Variants in RPS6KA5 observed in about 807,000 individuals in gnomAD.
RPS6KA5 encodes ribosomal protein S6 kinase A5.
RPS6KA5 carries 27 observed loss-of-function variants against 85.5 expected under a neutral mutation model. The observed-to-expected ratio is 0.32, with a 90% confidence interval of 0.23 to 0.44. The LOEUF is 0.44. Ranked by LOEUF, RPS6KA5 falls within the 20% of genes least tolerant of loss-of-function variation. The probability of loss-of-function intolerance (pLI) is 1.00; values close to 1 mark genes in which losing one functional copy is unlikely to be tolerated. For synonymous variants in RPS6KA5, 334 were observed against 348.2 expected (o/e 0.96, Z 0.46); for missense variants, 811 against 980.9 (o/e 0.83, Z 2.31).
At chr14:90,901,568 G>T (rs1388783269) in intron 9 of RPS6KA5, among the ~76,000 whole-genome samples, 3 of 152,182 alleles carry the variant, frequency 2.0e-5, no homozygotes, top group Non-Finnish European at 4.4e-5. Flanking sequence ...TACAAAGACG[G>T]ATGATTAATC....
At chr14:90,892,565 T>C (rs1011416431) in intron 13 of RPS6KA5, among the ~76,000 whole-genome samples, 1 of 119,668 alleles carries the variant, frequency 8.4e-6, no homozygotes, top group African/African-American at 3.9e-5. Flanking sequence ...ATGCAACTTT[T>C]CTTAATCTCA....
At chr14:90,937,374 G>C (rs1050531308) in intron 5 of RPS6KA5, among the ~76,000 whole-genome samples, 1 of 152,068 alleles carries the variant, frequency 6.6e-6, no homozygotes, top group African/African-American at 2.4e-5. Flanking sequence ...AGAACAATGA[G>C]ACAATAGCTA....
chr14:91,026,559 A>G (rs2041998312), intron 1 of RPS6KA5, among the ~76,000 whole-genome samples: 1 of 152,106 alleles, frequency 6.6e-6, no homozygotes, highest in East Asian at 1.9e-4. Context: ...TAATCCACCA[A>G]TGACGGGCAC....
chr14:91,035,847 CAAAAAAAAA>C (rs199625173), intron 1 of RPS6KA5, among the ~76,000 whole-genome samples: 445 of 69,388 alleles, frequency 6.4e-3, no homozygotes, highest in African/African-American at 0.03. Flanking sequence ...CCCTCACCTT[CAAAAAAAAA>C]AAAAAAAAAA....
rs112182432 is a variant in RPS6KA5, at chr14:90,906,619, A to G, written c.807-320T>C. Among the ~76,000 whole-genome samples the G allele has an allele frequency of 5.7e-3, 861 of 152,304 alleles. 10 individuals are homozygous for G. Among genetic ancestry groups the G allele is most frequent in the South Asian group, 0.016 (76 of 4,822 alleles). On this transcript the variant is annotated intron_variant, in intron 7 of 16. Transcript: ENST00000614987. ...CCTGGGGCTAGATTAGACCTCTCGTATATAGACTAGACTCTATGATTAAAG... is the reference window on the plus strand; with the variant it reads ...CCTGGGGCTAGATTAGACCTCTCGTGTATAGACTAGACTCTATGATTAAAG...
rs57797115 is a variant in RPS6KA5, at chr14:90,887,143, T to C, written c.1836+3344A>G. 2.1e-3 allele frequency among the ~76,000 whole-genome samples: 317 copies of C among 152,310 alleles called. 1 individual carries two copies. The highest frequency in any genetic ancestry group is 7.5e-3 in the African/African-American group (310 of 41,564). On this transcript the variant is annotated intron_variant, in intron 14 of 16. Transcript: ENST00000614987. ...AGTTTAATGAAGGTATTATTTTTGT[T>C]CATTTTCATCTGTATTTTATCATGT...
rs2031881633 is a variant in RPS6KA5, at chr14:90,849,493, T to G, written c.*22581A>C. 1 of 152,230 alleles carries G rather than the reference T, an allele frequency of 6.6e-6. No homozygotes were observed. The highest frequency in any genetic ancestry group is 1.9e-4 in the East Asian group (1 of 5,198). 9.4% of individuals were successfully genotyped at this position (152,230 alleles called of 1,614,324 possible). A position where few individuals can be genotyped will look rare whatever the true frequency, so the allele number is the denominator to read the frequency against. On this transcript the variant is annotated 3_prime_UTR_variant, in exon 17 of 17. Coordinates refer to ENST00000614987, the MANE Select transcript of RPS6KA5 (RefSeq NM_004755.4). ...TGTAAACCTGTCTAAAACAGTGCAC[T>G]TGGTGGCTACATACGGCTAATCGCT...
At chr14:90,900,311 G>T in intron 10 of RPS6KA5, 70 bp from the exon 11 acceptor site, 1 of 1,146,480 alleles carries the variant, frequency 8.7e-7, no homozygotes, top group Non-Finnish European at 1.2e-6. Flanking sequence ...TAAAATTGTA[G>T]AGTAAAATAA....
At chr14:91,036,295 A>G (rs1472764914) in intron 1 of RPS6KA5, among the ~76,000 whole-genome samples, 2 of 152,238 alleles carry the variant, frequency 1.3e-5, no homozygotes, top group African/African-American at 4.8e-5. Context: ...CAAAGGTCGG[A>G]AGACAGTATA....
At chr14:90,967,660 C>A (rs1349574562) in intron 3 of RPS6KA5, among the ~76,000 whole-genome samples, 1 of 152,116 alleles carries the variant, frequency 6.6e-6, no homozygotes, top group Non-Finnish European at 1.5e-5. Context: ...CAGTGCAATC[C>A]TAAGTTTTAA....
chr14:91,042,423 A>C (rs577700593), intron 1 of RPS6KA5, among the ~76,000 whole-genome samples: 3 of 152,226 alleles, frequency 2.0e-5, no homozygotes, highest in African/African-American at 7.2e-5. Context: ...GAGGCAGAGA[A>C]TTTCTTAAAC....
In RPS6KA5 at chr14:90,871,852, T is replaced by C; in HGVS notation, c.*222A>G. On this transcript the variant is annotated 3_prime_UTR_variant, in exon 17 of 17. Transcript: ENST00000614987. ...TTCAAGAATAGTCTTGTTGGCATCA[T>C]GCTAGGTTGCTAAAAAGAGTAATAT... 2 of 487,024 alleles carry C rather than the reference T, an allele frequency of 4.1e-6. No individual in the cohort carries two copies. The highest frequency in any genetic ancestry group is 3.5e-5 in the East Asian group (1 of 28,326). The allele number at this position is 487,024 out of a possible 1,614,324, so 30.2% of individuals were successfully genotyped here. A position where few individuals can be genotyped will look rare whatever the true frequency, so the allele number is the denominator to read the frequency against.
intron 1 of RPS6KA5, among the ~76,000 whole-genome samples, chr14:91,009,119 G>A (rs987217874): frequency 1.1e-4 from 17 of 152,150 alleles, no homozygotes; most frequent in African/African-American, 3.9e-4. Context: ...CCCCTGCTAT[G>A]GTGTGAATGT....
chr14:90,945,586 G>T (rs1226267596), intron 4 of RPS6KA5, among the ~76,000 whole-genome samples: 1 of 152,148 alleles, frequency 6.6e-6, no homozygotes, highest in African/African-American at 2.4e-5. Flanking sequence ...TTTTAGGGTA[G>T]TAAGATTAAG....
intron 3 of RPS6KA5, among the ~76,000 whole-genome samples, chr14:90,947,967 G>A (rs1194259694): frequency 6.6e-6 from 1 of 152,124 alleles, no homozygotes; most frequent in Admixed American, 6.5e-5. Context: ...ATAATTGCCA[G>A]TCACCTGTAA....
At chr14:91,032,105 T>C (rs1025564374) in intron 1 of RPS6KA5, among the ~76,000 whole-genome samples, 1 of 152,164 alleles carries the variant, frequency 6.6e-6, no homozygotes, top group Non-Finnish European at 1.5e-5. Flanking sequence ...AAGCTCAATA[T>C]CTGATTTCAT....
intron 5 of RPS6KA5, among the ~76,000 whole-genome samples, chr14:90,941,394 T>C (rs1056617694): frequency 1.3e-5 from 2 of 152,166 alleles, no homozygotes; most frequent in African/African-American, 4.8e-5. Context: ...TCCAGACTCC[T>C]GCCTGGGAAG....
intron 14 of RPS6KA5, among the ~76,000 whole-genome samples, chr14:90,875,615 C>A (rs1265209757): frequency 6.6e-6 from 1 of 151,740 alleles, no homozygotes; most frequent in Non-Finnish European, 1.5e-5. Flanking sequence ...ATGTTTATTG[C>A]GGCACTATTC....
Position 91,052,051 on chromosome 14 carries a change from G to A in RPS6KA5, c.103+8281C>T, listed in dbSNP as rs572428253. Among the ~76,000 whole-genome samples the A allele has an allele frequency of 1.5e-3, 228 of 152,038 alleles. 2 individuals carry two copies. Among genetic ancestry groups the A allele is most frequent in the South Asian group, 9.7e-3 (47 of 4,826 alleles). ...ACTCAGTCCATCACCTTTACTTTAT[G>A]AATCAAAAAACTTGGGCTCAGAAAG... On this transcript the variant is annotated intron_variant, in intron 1 of 16. Transcript: ENST00000614987.
Sources: allele counts gnomAD v4.1 joint callset (sites outside exome capture counted in the v4.1 genomes callset), GRCh38; gene constraint gnomAD v4.1.1; transcripts MANE v1.5; gene names NCBI Gene and HGNC (gene_info 2026-07-23, HGNC 2026-07-21).